CARNMT1: variants seen among roughly 807,000 people sequenced by gnomAD.
The protein encoded by CARNMT1 is carnosine N-methyltransferase 1.
A neutral mutation model predicts 49.6 loss-of-function variants in CARNMT1; 28 were observed. That is an observed-to-expected ratio of 0.56 (90% CI 0.42 to 0.77). CARNMT1 has a LOEUF of 0.77. Among genes scored for constraint, CARNMT1 ranks in the 30% least tolerant of loss-of-function variants. The probability of loss-of-function intolerance (pLI) is 0.00; values close to 1 mark genes in which losing one functional copy is unlikely to be tolerated. For missense variants in CARNMT1, 421 were observed against 512.6 expected (o/e 0.82, Z 1.73); for synonymous variants, 178 against 175.0 (o/e 1.02, Z -0.13).
At chr9:75,008,172 A>T (rs1162697845) in intron 3 of CARNMT1, among the ~76,000 whole-genome samples, 2 of 88,648 alleles carry the variant, frequency 2.3e-5, no homozygotes, top group Non-Finnish European at 6.8e-5. Flanking sequence ...ATGAGCTAAA[A>T]AAAAAAAAAA....
chr9:74,996,352 T>C (rs1198263134), intron 6 of CARNMT1, 95 bp downstream of exon 6: 1 of 662,786 alleles, frequency 1.5e-6, no homozygotes, highest in Non-Finnish European at 2.6e-6. Flanking sequence ...ATAATTCTAA[T>C]GTTCATGCAC....
intron 6 of CARNMT1, among the ~76,000 whole-genome samples, chr9:74,989,239 T>C (rs1832945613): frequency 6.6e-6 from 1 of 152,122 alleles, no homozygotes; most frequent in African/African-American, 2.4e-5. Flanking sequence ...AGGTCCCAAG[T>C]AGCTGGGACT....
At chr9:75,014,693 T>A (rs1833793476) in intron 3 of CARNMT1, among the ~76,000 whole-genome samples, 1 of 152,060 alleles carries the variant, frequency 6.6e-6, no homozygotes, top group Admixed American at 6.6e-5. Context: ...TTCAAAATAG[T>A]TAAAATAGCC....
At chr9:75,008,564 C>T (rs776661864) in intron 3 of CARNMT1, among the ~76,000 whole-genome samples, 1 of 152,116 alleles carries the variant, frequency 6.6e-6, no homozygotes, top group Non-Finnish European at 1.5e-5. Context: ...CCTCGGCCCC[C>T]CAAAGTGCTG....
At chr9:75,017,506 T>G in intron 1 of CARNMT1, 58 bp from the exon 2 acceptor site, 2 of 1,434,376 alleles carry the variant, frequency 1.4e-6, no homozygotes, top group South Asian at 2.4e-5. Flanking sequence ...GAGGCCAATC[T>G]TACTTTAAGG....
rs1225716187 is a variant in CARNMT1 at position 75,028,201 on chromosome 9, A to C, written c.41T>G (p.Leu14Arg). ...GCCTCCTCCCCCGCAGCCCTCGGGC[A>C]GCCGGGAGGTGGGCGGCGGAGGGCG... is the stretch of plus-strand genomic sequence containing the variant. ...RRRPPPPTSR[L>R]PEGCGGGGGG... The change falls in exon 1 of 8, where the codon CTG becomes CGG. Residue 14 changes from leucine (L) to arginine (R), a missense_variant. By Grantham distance (102) the Leu-to-Arg change is moderately radical. This residue lies in a region of CARNMT1 where 186 missense variants were observed against 167.9 expected (regional missense o/e 1.11). Coordinates refer to ENST00000376834, the MANE Select transcript of CARNMT1 (RefSeq NM_152420.3). 6 of 1,464,134 alleles carry C rather than the reference A, an allele frequency of 4.1e-6. No individual in the cohort carries two copies. Among genetic ancestry groups the C allele is most frequent in the Non-Finnish European group, 4.5e-6 (5 of 1,109,050 alleles). 90.7% of individuals were successfully genotyped at this position (1,464,134 alleles called of 1,614,324 possible).
intron 2 of CARNMT1, 107 bp from the exon 3 acceptor site, chr9:75,016,538 T>C: frequency 4.0e-6 from 4 of 996,332 alleles, no homozygotes; most frequent in Non-Finnish European, 5.9e-6. Context: ...AGTGGATAAA[T>C]CACTAGCCTC....
Position 74,983,641 on chromosome 9 carries a change from G to T in CARNMT1, c.*126C>A. 1 of 520,418 alleles carries T rather than the reference G, an allele frequency of 1.9e-6. No individual in the cohort carries two copies. 32.2% of individuals were successfully genotyped at this position (520,418 alleles called of 1,614,324 possible). On this transcript the variant is annotated 3_prime_UTR_variant, in exon 8 of 8. Transcript: ENST00000376834. ...AAAATAGACACTATTTCTAAATTTC[G>T]TTAGGAATAAGAAGGCACCACTGAT...
At chr9:75,001,717 C>G (rs1048649255) in intron 3 of CARNMT1, among the ~76,000 whole-genome samples, 6 of 152,148 alleles carry the variant, frequency 3.9e-5, no homozygotes, top group African/African-American at 1.4e-4. Context: ...GGTCTTTACA[C>G]AAGGGATATT....
At chr9:75,009,664 T>G (rs976421004) in intron 3 of CARNMT1, among the ~76,000 whole-genome samples, 35 of 152,276 alleles carry the variant, frequency 2.3e-4, no homozygotes, top group African/African-American at 8.4e-4. Context: ...CTTAAATGAT[T>G]CAGTCAGCAC....
In CARNMT1 at chr9:75,027,928, G is replaced by A. The variant is rs878887445; in HGVS notation, c.230+84C>T. 49 of 1,388,902 alleles carry A rather than the reference G, an allele frequency of 3.5e-5. No homozygotes were observed. The East Asian group carries it at 4.3e-4, about 12-fold the overall frequency. 86.0% of individuals were successfully genotyped at this position (1,388,902 alleles called of 1,614,324 possible). A position where few individuals can be genotyped will look rare whatever the true frequency, so the allele number is the denominator to read the frequency against. The stretch of plus-strand genomic sequence containing the variant: ...CGCCTCGGAGGCGTGGCGGCGGGAC[G>A]GCGAGCGCCCCCGTTCCGGCGGGTC... On this transcript the variant is annotated intron_variant, in intron 1 of 7. Coordinates refer to ENST00000376834, the MANE Select transcript of CARNMT1 (RefSeq NM_152420.3).
chr9:74,983,906 A>G (rs770973375), intron 7 of CARNMT1, 38 bp from the exon 8 acceptor site: 7 of 1,427,174 alleles, frequency 4.9e-6, no homozygotes, highest in Admixed American at 2.0e-5. Flanking sequence ...TATGACAGTC[A>G]TCATGACCAC....
chr9:74,996,769 T>G (rs553049073), intron 5 of CARNMT1, among the ~76,000 whole-genome samples: 8 of 152,208 alleles, frequency 5.3e-5, no homozygotes, highest in Non-Finnish European at 1.0e-4. Flanking sequence ...AAGTAATCAA[T>G]TTGGAAATCA....
Position 74,989,000 on chromosome 9 carries a change from T to G in CARNMT1, c.1025-3990A>C, listed in dbSNP as rs116308494. On this transcript the variant is annotated intron_variant, in intron 6 of 7. Transcript: ENST00000376834. The stretch of plus-strand genomic sequence containing the variant: ...TACCTAAGCTTTAAGTAAGCAAATT[T>G]AAAAACTTAGTGAATATGATAGGTG... Among the ~76,000 whole-genome samples the G allele has an allele frequency of 8.6e-3, 1,316 of 152,358 alleles. 16 individuals are homozygous for G. The highest frequency in any genetic ancestry group is 0.03 in the African/African-American group (1,234 of 41,584).
At chr9:75,019,438 T>C (rs1309334078) in intron 1 of CARNMT1, among the ~76,000 whole-genome samples, 2 of 152,198 alleles carry the variant, frequency 1.3e-5, no homozygotes, top group African/African-American at 4.8e-5. Context: ...GTCAAGAATC[T>C]CCATTAATGC....
At chr9:75,017,504 TC>T in intron 1 of CARNMT1, 56 bp from the exon 2 acceptor site, 1 of 1,443,132 alleles carries the variant, frequency 6.9e-7, no homozygotes, top group Non-Finnish European at 9.7e-7. Context: ...CAGAGGCCAA[TC>T]TTACTTTAAG....
intron 3 of CARNMT1, among the ~76,000 whole-genome samples, chr9:75,008,326 A>C (rs556365135): frequency 6.6e-6 from 1 of 152,276 alleles, no homozygotes; most frequent in South Asian, 2.1e-4. Flanking sequence ...CATACAAATA[A>C]ATCTTTATAA....
At chr9:75,012,680 A>G (rs1317446677) in intron 3 of CARNMT1, among the ~76,000 whole-genome samples, 3 of 152,126 alleles carry the variant, frequency 2.0e-5, no homozygotes, top group Non-Finnish European at 4.4e-5. Flanking sequence ...AGTGGGTTAC[A>G]GAGTTTGCAC....
intron 4 of CARNMT1, 141 bp downstream of exon 4, chr9:74,999,583 CTTTGAT>C: frequency 1.5e-6 from 1 of 659,610 alleles, no homozygotes; most frequent in South Asian, 2.8e-5. Context: ...TGTGTAAGTA[CTTTGAT>C]TTTAACATAA....
Sources: gnomAD v4.1 joint callset for allele counts (sites outside exome capture counted in the v4.1 genomes callset) on GRCh38, gnomAD v4.1.1 for gene constraint, gnomAD v4.1.1 regional missense constraint, MANE v1.5 for transcripts, NCBI Gene and HGNC (gene_info 2026-07-23, HGNC 2026-07-21) for gene names.